The following CD38 variants were observed in gnomAD, a reference collection of about 807,000 sequenced individuals.
CD38 encodes the protein ADP-ribosyl cyclase/cyclic ADP-ribose hydrolase 1.
A neutral mutation model predicts 36.3 loss-of-function variants in CD38; 31 were observed. The ratio of observed to expected loss-of-function variants is 0.85; its 90% CI spans 0.64 to 1.15. The LOEUF (loss-of-function observed/expected upper bound fraction) is 1.15, where lower values mean the gene tolerates loss of function less well. CD38 is among the 50% of genes most tolerant of loss of function. The pLI is 0.00. For missense variants in CD38, 380 were observed against 371.9 expected (o/e 1.02, Z -0.18); for synonymous variants, 131 against 135.2 (o/e 0.97, Z 0.22).
chr4:15,801,929 C>T (rs1723232810), intron 1 of CD38, among the ~76,000 whole-genome samples: 1 of 152,096 alleles, frequency 6.6e-6, no homozygotes, highest in African/African-American at 2.4e-5. Context: ...CCACATAGTA[C>T]TGGAAGTTCT....
intron 1 of CD38, among the ~76,000 whole-genome samples, chr4:15,797,957 G>T (rs531548919): frequency 2.5e-4 from 38 of 152,184 alleles, no homozygotes; most frequent in African/African-American, 8.4e-4. Flanking sequence ...AACATCGTTT[G>T]GGGGGGTAAA....
intron 1 of CD38, among the ~76,000 whole-genome samples, chr4:15,796,561 G>A (rs1374021390): frequency 6.6e-6 from 1 of 152,032 alleles, no homozygotes; most frequent in Non-Finnish European, 1.5e-5. Context: ...ATAAAAATTT[G>A]CCATATTTGT....
In CD38 at chr4:15,852,103, A is replaced by C. The variant is rs1233876286; in HGVS notation, c.*3501A>C. The C allele has an allele frequency of 1.3e-5, 2 of 152,242 alleles. No individual in the cohort carries two copies. Among genetic ancestry groups the C allele is most frequent in the African/African-American group, 4.8e-5 (2 of 41,472 alleles). 9.4% of individuals were successfully genotyped at this position (152,242 alleles called of 1,614,324 possible). On this transcript the variant is annotated 3_prime_UTR_variant, in exon 8 of 8. Coordinates refer to ENST00000226279, the MANE Select transcript of CD38 (RefSeq NM_001775.4). Reference sequence around the variant, plus strand: ...ACTGTATATATACTTTCCTGTTACAACAACAGTGTCTCTCAATCCACAGTA... The same window carrying C: ...ACTGTATATATACTTTCCTGTTACACCAACAGTGTCTCTCAATCCACAGTA...
chr4:15,787,583 T>C (rs2148914513), intron 1 of CD38, among the ~76,000 whole-genome samples: 1 of 152,336 alleles, frequency 6.6e-6, no homozygotes, highest in East Asian at 1.9e-4. Context: ...TCACGACGCC[T>C]TGTCTTTGTA....
chr4:15,801,112 C>A (rs920922334), intron 1 of CD38, among the ~76,000 whole-genome samples: 2 of 151,664 alleles, frequency 1.3e-5, no homozygotes, highest in Middle Eastern at 3.2e-3. Flanking sequence ...ACAATTGATA[C>A]CACAAAAATA....
At chr4:15,816,861 C>T (rs1723611128) in intron 2 of CD38, 3 of 504,552 alleles carry the variant, frequency 5.9e-6, no homozygotes, top group Non-Finnish European at 1.1e-5. Flanking sequence ...AATAGGGATA[C>T]AGAGATAGGA....
chr4:15,781,870 C>G (rs1434006497), intron 1 of CD38, among the ~76,000 whole-genome samples: 2 of 152,148 alleles, frequency 1.3e-5, no homozygotes, highest in African/African-American at 2.4e-5. Flanking sequence ...AAACAACCAC[C>G]CTAAAATTTA....
chr4:15,797,098 C>T (rs1214383859), intron 1 of CD38, among the ~76,000 whole-genome samples: 1 of 152,158 alleles, frequency 6.6e-6, no homozygotes, highest in Non-Finnish European at 1.5e-5. Context: ...TTTCCCCATA[C>T]CCATACTACC....
chr4:15,831,246 T>G (rs781529776), intron 3 of CD38, among the ~76,000 whole-genome samples: 2 of 152,142 alleles, frequency 1.3e-5, no homozygotes, highest in African/African-American at 4.8e-5. Context: ...TCTTGAAAAG[T>G]TATTGTAGTT....
chr4:15,830,513 T>C lies in CD38; in HGVS notation c.500-3704T>C, dbSNP rs549940335. On this transcript the variant is annotated intron_variant, in intron 3 of 7. Transcript: ENST00000226279. Reference sequence around the variant, plus strand: ...TTTAATGCCTTCTTGAATGGGTAGTTTGCAAATATTTTCTCCCATTCTGTG... The same window carrying C: ...TTTAATGCCTTCTTGAATGGGTAGTCTGCAAATATTTTCTCCCATTCTGTG... Among the ~76,000 whole-genome samples the C allele has an allele frequency of 5.9e-5, 9 of 152,346 alleles. No homozygotes were observed. The South Asian group carries it at 1.2e-3, about 21-fold the overall frequency.
At position 15,778,553 on chromosome 4, in the gene CD38, C is replaced by G. The variant is rs769875535; in HGVS notation, c.139C>G (p.Arg47Gly). The change falls in exon 1 of 8, where the codon CGC (arginine) becomes GGC (glycine). Residue 47 changes from arginine to glycine, a missense_variant. Physicochemically the swap from Arg to Gly is moderately radical, Grantham distance 125. Coordinates refer to ENST00000226279, the MANE Select transcript of CD38 (RefSeq NM_001775.4). The surrounding 1 kb of genome is among the most constrained non-coding windows in gnomAD (Gnocchi z 4.9). ...GCTCGCGGTGGTCGTCCCGAGGTGG[C>G]GCCAGCAGTGGAGCGGTCCGGGCAC... ...VVLAVVVPRW[R>G]QQWSGPGTTK... 1 of 1,611,954 alleles carries G rather than the reference C, an allele frequency of 6.2e-7. No individual in the cohort carries two copies. Among genetic ancestry groups the G allele is most frequent in the Non-Finnish European group, 8.5e-7 (1 of 1,179,536 alleles).
At chr4:15,799,953 G>A (rs750590713) in intron 1 of CD38, among the ~76,000 whole-genome samples, 2 of 152,100 alleles carry the variant, frequency 1.3e-5, no homozygotes, top group African/African-American at 2.4e-5. Flanking sequence ...GTAAAACAGT[G>A]GGCGTTAATA....
At chr4:15,787,118 G>A (rs897089510) in intron 1 of CD38, among the ~76,000 whole-genome samples, 17 of 152,240 alleles carry the variant, frequency 1.1e-4, no homozygotes, top group African/African-American at 1.9e-4. Flanking sequence ...AGAGGGAGCC[G>A]ACTCCGGCCT....
chr4:15,778,479 C>T lies in CD38; in HGVS notation c.65C>T (p.Ala22Val), dbSNP rs573496532. Residue 22 changes from alanine to valine, a missense_variant, in exon 1 of 8, where the codon GCC becomes GTC. Physicochemically the swap from Ala to Val is moderately conservative, Grantham distance 64 (BLOSUM62 0). Transcript: ENST00000226279. This position sits in a 1 kb window ranked among gnomAD's most constrained non-coding sequence, Gnocchi z 4.9. ...CCCTGCTGCCGGCTCTCTAGGAGAG[C>T]CCAACTCTGTCTTGGCGTCAGTATC... ...DKPCCRLSRR[A>V]QLCLGVSILV... is the part of the protein sequence containing the mutation. 1.2e-6 allele frequency: 2 copies of T among 1,613,834 alleles called. No homozygotes were observed. Among genetic ancestry groups the T allele is most frequent in the African/African-American group, 2.7e-5 (2 of 74,888 alleles).
chr4:15,838,808 G>C (rs4698122), intron 5 of CD38, among the ~76,000 whole-genome samples: 21,243 of 152,172 alleles, frequency 0.14, 1,693 homozygotes, highest in South Asian at 0.22. Context: ...AGAGTTGATG[G>C]TGATGGGAAG....
intron 1 of CD38, among the ~76,000 whole-genome samples, chr4:15,780,027 A>G (rs374413286): frequency 6.6e-6 from 1 of 152,354 alleles, no homozygotes; most frequent in African/African-American, 2.4e-5. Flanking sequence ...TGATGACACA[A>G]GAGTGAATGA....
intron 1 of CD38, among the ~76,000 whole-genome samples, chr4:15,792,470 AAAG>A (rs1723025940): frequency 2.6e-5 from 4 of 151,318 alleles, no homozygotes; most frequent in Admixed American, 2.6e-4. Context: ...AAAAAAAAGA[AAAG>A]AAAAGAAAAG....
At chr4:15,800,884 T>C (rs1253589599) in intron 1 of CD38, among the ~76,000 whole-genome samples, 1 of 151,814 alleles carries the variant, frequency 6.6e-6, no homozygotes. Flanking sequence ...CTCAGGAAAC[T>C]ATAAAAGCAA....
chr4:15,807,834 A>C (rs1229071695), intron 1 of CD38, among the ~76,000 whole-genome samples: 1 of 152,224 alleles, frequency 6.6e-6, no homozygotes, highest in Non-Finnish European at 1.5e-5. Flanking sequence ...TTATTTCTGA[A>C]AACTAAATCC....
Sources: gnomAD v4.1 joint callset for allele counts (sites outside exome capture counted in the v4.1 genomes callset) on GRCh38, gnomAD v4.1.1 for gene constraint, Gnocchi (gnomAD v3.1) non-coding constraint, MANE v1.5 for transcripts, NCBI Gene and HGNC (gene_info 2026-07-23, HGNC 2026-07-21) for gene names.